LUZP2: variants seen among roughly 807,000 people sequenced by gnomAD.
LUZP2 encodes the protein leucine zipper protein 2.
A neutral mutation model predicts 51.6 loss-of-function variants in LUZP2; 52 were observed. The ratio of observed to expected loss-of-function variants is 1.01; its 90% confidence interval spans 0.81 to 1.27. The LOEUF (loss-of-function observed/expected upper bound fraction) is 1.27, where lower values mean the gene tolerates loss of function less well. LUZP2 is among the 50% of genes most tolerant of loss of function. The pLI is 0.00. For missense variants in LUZP2, 436 were observed against 395.4 expected, an observed-to-expected ratio of 1.10 and a Z score of -0.87; for synonymous variants, 154 against 137.3, an observed-to-expected ratio of 1.12 and a Z score of -0.85.
chr11:24,917,311 T>A (rs1853822356), intron 7 of LUZP2, among the ~76,000 whole-genome samples: 1 of 152,184 alleles, frequency 6.6e-6, no homozygotes, highest in Non-Finnish European at 1.5e-5. Flanking sequence ...GTAGTTTATT[T>A]TTGCTGTGCA....
At chr11:24,659,749 A>G (rs544000103) in intron 1 of LUZP2, among the ~76,000 whole-genome samples, 1 of 152,238 alleles carries the variant, frequency 6.6e-6, no homozygotes, top group East Asian at 1.9e-4. Flanking sequence ...TGATGTTGTA[A>G]TATATGTGCT....
At chr11:24,664,936 G>A (rs1284830929) in intron 1 of LUZP2, among the ~76,000 whole-genome samples, 1 of 152,106 alleles carries the variant, frequency 6.6e-6, no homozygotes, top group Non-Finnish European at 1.5e-5. Context: ...GTCCCCATGG[G>A]GTCACTGCCT....
chr11:24,742,434 G>A (rs1478407497), intron 4 of LUZP2, among the ~76,000 whole-genome samples: 1 of 151,848 alleles, frequency 6.6e-6, no homozygotes, highest in Non-Finnish European at 1.5e-5. Context: ...ATTTTGATTT[G>A]CATTTCCCTG....
chr11:24,532,689 C>T (rs962347850), intron 1 of LUZP2, among the ~76,000 whole-genome samples: 1 of 150,942 alleles, frequency 6.6e-6, no homozygotes, highest in Non-Finnish European at 1.5e-5. Context: ...GTAGTGCTAG[C>T]CTAACAGGCA....
At chr11:25,046,875 G>C (rs1326740141) in intron 9 of LUZP2, among the ~76,000 whole-genome samples, 1 of 152,084 alleles carries the variant, frequency 6.6e-6, no homozygotes, top group Non-Finnish European at 1.5e-5. Flanking sequence ...AAATGGCATG[G>C]AGACAATAAT....
chr11:24,628,161 A>C (rs1453317114), intron 1 of LUZP2, among the ~76,000 whole-genome samples: 1 of 151,908 alleles, frequency 6.6e-6, no homozygotes, highest in African/African-American at 2.4e-5. Context: ...AATTCTTGTA[A>C]AATTATGACT....
intron 1 of LUZP2, among the ~76,000 whole-genome samples, chr11:24,512,046 A>G (rs1382508700): frequency 6.6e-6 from 1 of 152,156 alleles, no homozygotes; most frequent in East Asian, 1.9e-4. Flanking sequence ...AAGTTGAAGG[A>G]GTTTCTCTGT....
chr11:24,784,392 G>A (rs570191091), intron 5 of LUZP2, among the ~76,000 whole-genome samples: 3 of 151,670 alleles, frequency 2.0e-5, no homozygotes, highest in Admixed American at 2.0e-4. Flanking sequence ...TAAATTATAA[G>A]GGTATATTGT....
At chr11:24,751,233 A>G (rs1431516540) in intron 4 of LUZP2, among the ~76,000 whole-genome samples, 6 of 152,338 alleles carry the variant, frequency 3.9e-5, no homozygotes, top group African/African-American at 1.4e-4. Context: ...TTAAAAAAGA[A>G]GCATGCGAAA....
chr11:24,849,484 A>G (rs1380390984), intron 5 of LUZP2, among the ~76,000 whole-genome samples: 1 of 152,170 alleles, frequency 6.6e-6, no homozygotes, highest in African/African-American at 2.4e-5. Flanking sequence ...GCTGCATAGT[A>G]TTCCATGGTG....
At chr11:24,769,824 G>T (rs11824858) in intron 5 of LUZP2, among the ~76,000 whole-genome samples, 3,460 of 149,468 alleles carry the variant, frequency 0.023, 139 homozygotes, top group African/African-American at 0.083. Flanking sequence ...ACAGAGTCTC[G>T]CTCTGTCACC....
At chr11:24,646,235 A>G (rs1039362144) in intron 1 of LUZP2, among the ~76,000 whole-genome samples, 1 of 152,120 alleles carries the variant, frequency 6.6e-6, no homozygotes, top group Non-Finnish European at 1.5e-5. Context: ...TGTAAAAATG[A>G]GAAAGTAATA....
intron 9 of LUZP2, among the ~76,000 whole-genome samples, chr11:24,992,753 A>G (rs1435120345): frequency 6.6e-6 from 1 of 152,134 alleles, no homozygotes; most frequent in Non-Finnish European, 1.5e-5. Flanking sequence ...TGCTTCCAAG[A>G]CATTGTGACA....
At chr11:24,617,140 G>T (rs1235005711) in intron 1 of LUZP2, among the ~76,000 whole-genome samples, 2 of 152,112 alleles carry the variant, frequency 1.3e-5, no homozygotes, top group African/African-American at 2.4e-5. Flanking sequence ...TCATGGTGAG[G>T]CTATGCTATT....
At chr11:24,517,355 G>T (rs750253523) in intron 1 of LUZP2, among the ~76,000 whole-genome samples, 19 of 151,254 alleles carry the variant, frequency 1.3e-4, no homozygotes, top group Non-Finnish European at 2.7e-4. Context: ...GCGTGGTGGC[G>T]GGTTCCTGTA....
intron 1 of LUZP2, among the ~76,000 whole-genome samples, chr11:24,694,299 T>G (rs1467352447): frequency 6.6e-6 from 1 of 152,060 alleles, no homozygotes; most frequent in Admixed American, 6.6e-5. Flanking sequence ...AGAATGTTAT[T>G]TCCCCATATA....
At chr11:24,949,645 T>C (rs1478068759) in intron 7 of LUZP2, among the ~76,000 whole-genome samples, 3 of 151,576 alleles carry the variant, frequency 2.0e-5, no homozygotes, top group Non-Finnish European at 3.0e-5. Flanking sequence ...GAGGCAGCGG[T>C]TCGTAATACT....
At chr11:24,582,713 A>C (rs930894867) in intron 1 of LUZP2, among the ~76,000 whole-genome samples, 8 of 152,130 alleles carry the variant, frequency 5.3e-5, no homozygotes, top group Non-Finnish European at 1.2e-4. Flanking sequence ...ACATAGGTCT[A>C]GAAGAAATGT....
At chr11:24,845,655 G>A (rs761830403) in intron 5 of LUZP2, among the ~76,000 whole-genome samples, 5 of 152,078 alleles carry the variant, frequency 3.3e-5, no homozygotes, top group Non-Finnish European at 7.4e-5. Flanking sequence ...GAATTATGGG[G>A]GTGGGTCTTT....
Sources: gnomAD v4.1 joint callset for allele counts (sites outside exome capture counted in the v4.1 genomes callset) on GRCh38, gnomAD v4.1.1 for gene constraint, MANE v1.5 for transcripts, NCBI Gene and HGNC (gene_info 2026-07-23, HGNC 2026-07-21) for gene names.